XPO1: variants seen among roughly 807,000 people sequenced by gnomAD.
The protein encoded by XPO1 is exportin-1.
A neutral mutation model predicts 133.3 loss-of-function variants in XPO1; 5 were observed. The observed-to-expected ratio is 0.04, with a 90% CI of 0.02 to 0.08. The LOEUF (loss-of-function observed/expected upper bound fraction) is 0.08, where lower values mean the gene tolerates loss of function less well. Among genes scored for constraint, XPO1 ranks in the 10% least tolerant of loss-of-function variants. The probability of loss-of-function intolerance (pLI) is 1.00; values close to 1 mark genes in which losing one functional copy is unlikely to be tolerated. For missense variants in XPO1, 506 were observed against 1,267.5 expected (o/e 0.40, Z 9.12); for synonymous variants, 419 against 408.2 (o/e 1.03, Z -0.32).
intron 17 of XPO1, among the ~76,000 whole-genome samples, chr2:61,489,847 C>T (rs926360720): frequency 1.3e-5 from 2 of 151,980 alleles, no homozygotes; most frequent in Non-Finnish European, 2.9e-5. Context: ...AGCCACCACA[C>T]CCAGCCTATT....
chr2:61,499,574 A>T, intron 7 of XPO1, 139 bp downstream of exon 7: 1 of 787,414 alleles, frequency 1.3e-6, no homozygotes, highest in Non-Finnish European at 1.9e-6. Context: ...ACTATTTCTT[A>T]ATCTGCAGTT....
At position 61,534,081 on chromosome 2, in the gene XPO1, C is replaced by T. The variant is rs146972205; in HGVS notation, c.-6-178G>A. ...AGTAACAAAAGCTGAAATTACTTAG[C>T]TATTTGATAATTACATAAATTATTA... is the stretch of plus-strand genomic sequence containing the variant. On this transcript the variant is annotated intron_variant, in intron 1 of 24. Coordinates refer to ENST00000401558, the MANE Select transcript of XPO1 (RefSeq NM_003400.4). The T allele has an allele frequency of 1.7e-3, 957 of 553,604 alleles. 3 individuals are homozygous for T. Among genetic ancestry groups the T allele is most frequent in the Non-Finnish European group, 2.3e-3 (809 of 356,222 alleles). 34.3% of individuals were successfully genotyped at this position (553,604 alleles called of 1,614,324 possible). A position where few individuals can be genotyped will look rare whatever the true frequency, so the allele number is the denominator to read the frequency against.
intron 2 of XPO1, among the ~76,000 whole-genome samples, chr2:61,527,813 T>C (rs1175243466): frequency 1.3e-5 from 2 of 152,148 alleles, no homozygotes; most frequent in African/African-American, 4.8e-5. Context: ...CTAATCTACG[T>C]AGTCATCATC....
At chr2:61,528,733 TTATATATATATATATATATATA>T (rs10528074) in intron 2 of XPO1, among the ~76,000 whole-genome samples, 9,824 of 115,870 alleles carry the variant, frequency 0.085, 518 homozygotes, top group Non-Finnish European at 0.093. Context: ...GACATTTTAT[TTATATATATATATATATATATA>T]TATATATATA....
intron 1 of XPO1, chr2:61,534,744 T>C (rs1464116069): frequency 6.6e-6 from 1 of 152,224 alleles, no homozygotes; most frequent in Non-Finnish European, 1.5e-5. Flanking sequence ...CAGTAATTCC[T>C]ATTGTCTACA....
intron 9 of XPO1, among the ~76,000 whole-genome samples, chr2:61,498,431 A>C (rs1697346750): frequency 6.6e-6 from 1 of 152,244 alleles, no homozygotes; most frequent in Admixed American, 6.5e-5. Context: ...ACTAAAAGCA[A>C]TATAATCAAA....
chr2:61,489,363 A>C (rs113244015), intron 17 of XPO1, among the ~76,000 whole-genome samples: 1,554 of 149,168 alleles, frequency 0.01, 24 homozygotes, highest in African/African-American at 0.036. Flanking sequence ...CAGTGAGCCG[A>C]GATCACGCCA....
chr2:61,522,414 T>C (rs1026528805), intron 4 of XPO1, among the ~76,000 whole-genome samples, 197 bp downstream of exon 4: 2 of 152,082 alleles, frequency 1.3e-5, no homozygotes, highest in African/African-American at 4.8e-5. Context: ...GTCTCCTCTT[T>C]CTCCCAAAAG....
chr2:61,484,322 G>A (rs888937607), intron 20 of XPO1: 17 of 474,598 alleles, frequency 3.6e-5, no homozygotes, highest in Non-Finnish European at 5.6e-5. Context: ...CAAATTGAAG[G>A]AGAAAGACAA....
intron 1 of XPO1, among the ~76,000 whole-genome samples, chr2:61,535,958 A>G (rs2104861615): frequency 6.6e-6 from 1 of 152,370 alleles, no homozygotes; most frequent in East Asian, 1.9e-4. Flanking sequence ...AGATCCATGT[A>G]TCAAAAGTTT....
At chr2:61,520,476 C>G (rs1698635352) in intron 4 of XPO1, among the ~76,000 whole-genome samples, 2 of 151,752 alleles carry the variant, frequency 1.3e-5, no homozygotes, top group African/African-American at 2.4e-5. Flanking sequence ...GACACCATCC[C>G]TACAAAACAT....
intron 4 of XPO1, among the ~76,000 whole-genome samples, chr2:61,518,578 C>T (rs1365496639): frequency 6.6e-6 from 1 of 151,870 alleles, no homozygotes; most frequent in Non-Finnish European, 1.5e-5. Context: ...GATCACGCCA[C>T]TGCACTCCAG....
intron 6 of XPO1, among the ~76,000 whole-genome samples, chr2:61,500,578 CA>C (rs56213841): frequency 9.9e-4 from 40 of 40,406 alleles, no homozygotes; most frequent in African/African-American, 1.7e-3. Flanking sequence ...GACTCCATCT[CA>C]AAAAAAAAAA....
At position 61,522,446 on chromosome 2, in the gene XPO1, T is replaced by C. The variant is rs151299196; in HGVS notation, c.301+165A>G. On this transcript the variant is annotated intron_variant, in intron 4 of 24. Coordinates refer to ENST00000401558, the MANE Select transcript of XPO1 (RefSeq NM_003400.4). The stretch of plus-strand genomic sequence containing the variant: ...AAAGATAACCTGTAAGTGGCCTTCC[T>C]GTACCCACCAATACAAACAGACCTG... Among the ~76,000 whole-genome samples, 114 of 152,310 alleles carry C rather than the reference T, an allele frequency of 7.5e-4. 2 individuals are homozygous for C. The East Asian group carries it at 0.019, about 26-fold the overall frequency.
At chr2:61,509,827 T>G (rs1304887517) in intron 4 of XPO1, among the ~76,000 whole-genome samples, 1 of 152,204 alleles carries the variant, frequency 6.6e-6, no homozygotes, top group Non-Finnish European at 1.5e-5. Context: ...ATTAAAAATG[T>G]AAATTACAAA....
chr2:61,483,039 T>C lies in XPO1; in HGVS notation c.2730A>G (p.Ala910=). 1 of 1,613,816 alleles carries C rather than the reference T, an allele frequency of 6.2e-7. No individual in the cohort carries two copies. ...AATAAGTTTGATAAAAACTCTGAGCTGCAGCTTCTTCTTGTGCAACATTTT... is the reference window on the plus strand; with the variant it reads ...AATAAGTTTGATAAAAACTCTGAGCCGCAGCTTCTTCTTGTGCAACATTTT... ...LLQNVAQEEA[A]AQSFYQTYFC... is the part of the protein sequence containing the mutation. Residue 910 remains alanine (A), a synonymous_variant, in exon 22 of 25, where the codon GCA becomes GCG. Transcript: ENST00000401558.
intron 11 of XPO1, 143 bp downstream of exon 11, chr2:61,495,312 G>T: frequency 1.7e-6 from 1 of 578,310 alleles, no homozygotes; most frequent in Non-Finnish European, 2.5e-6. Context: ...CTGTAATTCA[G>T]AATTGAGAAT....
At chr2:61,525,979 T>C (rs996995346) in intron 3 of XPO1, 1 of 1,058,484 alleles carries the variant, frequency 9.4e-7, no homozygotes, top group Non-Finnish European at 1.1e-6. Flanking sequence ...CCATTGTAAA[T>C]AAAAACTGAG....
At chr2:61,520,967 T>C (rs965801932) in intron 4 of XPO1, among the ~76,000 whole-genome samples, 2 of 152,170 alleles carry the variant, frequency 1.3e-5, no homozygotes, top group African/African-American at 2.4e-5. Context: ...TAAAGATCCC[T>C]GAAGAATAAA....
Sources: allele counts gnomAD v4.1 joint callset (sites outside exome capture counted in the v4.1 genomes callset), GRCh38; gene constraint gnomAD v4.1.1; transcripts MANE v1.5; gene names NCBI Gene and HGNC (gene_info 2026-07-23, HGNC 2026-07-21).